Variants in COX15 observed in about 807,000 individuals in gnomAD.
The protein encoded by COX15 is heme A synthase COX15.
COX15 carries 51 observed loss-of-function variants against 51.9 expected under a neutral mutation model. The ratio of observed to expected loss-of-function variants is 0.98; its 90% CI spans 0.78 to 1.24. The LOEUF is 1.24. COX15 is among the 50% of genes most tolerant of loss of function. The probability of loss-of-function intolerance (pLI) is 0.00; values close to 1 mark genes in which losing one functional copy is unlikely to be tolerated. For synonymous variants in COX15, 188 were observed against 190.5 expected, an observed-to-expected ratio of 0.99 and a Z score of 0.11; for missense variants, 420 against 501.1, an observed-to-expected ratio of 0.84 and a Z score of 1.55.
rs75444197 is a variant in COX15, at chr10:99,729,918, C to T, written c.91-184G>A. 7.2e-5 allele frequency among the ~76,000 whole-genome samples: 11 copies of T among 152,338 alleles called. No homozygotes were observed. In the East Asian group the frequency reaches 2.1e-3, roughly 29 times the overall value. On this transcript the variant is annotated intron_variant, in intron 1 of 8. Coordinates refer to ENST00000016171, the MANE Select transcript of COX15 (RefSeq NM_078470.6). Reference sequence around the variant, plus strand: ...CTGGTTTTCCAATTGGTTTTCAAATCTAGCCTCACTCAAACCTATCCCCAA... The same window carrying T: ...CTGGTTTTCCAATTGGTTTTCAAATTTAGCCTCACTCAAACCTATCCCCAA...
In COX15 at chr10:99,727,004, T is replaced by G; in HGVS notation, c.546A>C (p.Gly182=). The G allele has an allele frequency of 6.2e-7, 1 of 1,613,862 alleles. No homozygotes were observed. The highest frequency in any genetic ancestry group is 1.1e-5 in the South Asian group (1 of 91,070). ...RKGWLSRGMK[G]RVLALCGLVC... ...CGAGGCCACAGAGGGCAAGAACACG[T>G]CCTTTCATGCCACGGCTGAGCCAGC... is the stretch of plus-strand genomic sequence containing the variant. Residue 182 remains glycine (G), a synonymous_variant, in exon 4 of 9, where the codon GGA becomes GGC. Transcript: ENST00000016171.
At chr10:99,696,012 C>T in the COX15 span, 1 of 1,614,156 alleles carries the variant, frequency 6.2e-7, no homozygotes, top group African/African-American at 1.3e-5. Flanking sequence ...ATGTGCAACA[C>T]ACTGAACACG....
Position 99,712,604 on chromosome 10 carries a change from C to G in COX15, c.*1983G>C, listed in dbSNP as rs1263303382. 10 of 984,066 alleles carry G rather than the reference C, an allele frequency of 1.0e-5. No homozygotes were observed. In the Admixed American group the frequency reaches 6.2e-4, roughly 61 times the overall value. The allele number at this position is 984,066 out of a possible 1,614,324, so 61.0% of individuals were successfully genotyped here. On this transcript the variant is annotated 3_prime_UTR_variant, in exon 9 of 9. Transcript: ENST00000016171. ...CTAGGTATATCCAAGGAAAAATAAA[C>G]TTAAGATAAGCTTATTTTCCTTATT... is the stretch of plus-strand genomic sequence containing the variant.
chr10:99,716,407 G>T lies in COX15; in HGVS notation c.1042C>A (p.Pro348Thr). 1 of 1,613,986 alleles carries T rather than the reference G, an allele frequency of 6.2e-7. No individual in the cohort carries two copies. The highest frequency in any genetic ancestry group is 8.5e-7 in the Non-Finnish European group (1 of 1,179,974). Reference sequence around the variant, plus strand: ...GCCATCTTGGTCCTTCTAGGAAGGGGAATTCTCCGAGAGAGGAAGTAGAGC... The same window carrying T: ...GCCATCTTGGTCCTTCTAGGAAGGGTAATTCTCCGAGAGAGGAAGTAGAGC... ...TVLYFLSRRI[P>T]LPRRTKMAAV... Residue 348 changes from proline (P) to threonine (T), a missense_variant, in exon 8 of 9, where the codon CCC (proline) becomes ACC (threonine). By Grantham distance (38) the Pro-to-Thr change is conservative (BLOSUM62 -1). Transcript: ENST00000016171.
rs2036449682 is a variant in COX15, at chr10:99,713,146, C to G, written c.*1441G>C. 9.9e-6 allele frequency: 13 copies of G among 1,317,702 alleles called. No individual in the cohort carries two copies. Among genetic ancestry groups the G allele is most frequent in the Non-Finnish European group, 1.3e-5 (13 of 1,028,286 alleles). 81.6% of individuals were successfully genotyped at this position (1,317,702 alleles called of 1,614,324 possible). A position where few individuals can be genotyped will look rare whatever the true frequency, so the allele number is the denominator to read the frequency against. On this transcript the variant is annotated 3_prime_UTR_variant, in exon 9 of 9. Coordinates refer to ENST00000016171, the MANE Select transcript of COX15 (RefSeq NM_078470.6). ...ACTTCTACTGATAAAACCTGAAGTA[C>G]CACTAATTTTTCTGTTATCATATAA...
chr10:99,726,887 CAAAAA>C (rs5787356), intron 4 of COX15, 76 bp downstream of exon 4: 105 of 934,786 alleles, frequency 1.1e-4, no homozygotes, highest in Non-Finnish European at 1.4e-4. Context: ...GACTCCGTCT[CAAAAA>C]AAAAAAAAAA....
intron 2 of COX15, among the ~76,000 whole-genome samples, chr10:99,729,003 A>T (rs1274405938): frequency 3.9e-5 from 6 of 152,230 alleles, no homozygotes; most frequent in Non-Finnish European, 2.9e-5. Context: ...ATACATAAAC[A>T]ATGCACAGGT....
At chr10:99,715,160 CAG>C (rs893162356) in intron 8 of COX15, among the ~76,000 whole-genome samples, 7 of 152,040 alleles carry the variant, frequency 4.6e-5, no homozygotes, top group African/African-American at 1.2e-4. Flanking sequence ...TGTTTTGAGA[CAG>C]AGTTTCACTC....
rs755157008 is a variant in COX15 at position 99,727,147 on chromosome 10, G to A, written c.403C>T (p.His135Tyr). 2 of 1,614,168 alleles carry A rather than the reference G, an allele frequency of 1.2e-6. No individual in the cohort carries two copies. Among genetic ancestry groups the A allele is most frequent in the South Asian group, 2.2e-5 (2 of 91,084 alleles). ...QQFPEFKILN[H>Y]DMTLTEFKFI... ...TTGAATTCTGTCAGTGTCATATCAT[G>A]ATTCAAGCTGGGTGAAATGGAAAGT... is the stretch of plus-strand genomic sequence containing the variant. The change falls in exon 4 of 9, where the codon CAT (histidine) becomes TAT (tyrosine). Residue 135 changes from histidine to tyrosine, a missense_variant. Transcript: ENST00000016171.
the COX15 span, chr10:99,702,595 C>G: frequency 1.9e-6 from 3 of 1,613,582 alleles, no homozygotes; most frequent in African/African-American, 4.0e-5. Context: ...AACCTGCGGA[C>G]AGCCCAGCTG....
chr10:99,722,149 A>C (rs1487412897), intron 5 of COX15, among the ~76,000 whole-genome samples: 1 of 152,172 alleles, frequency 6.6e-6, no homozygotes, highest in Admixed American at 6.5e-5. Flanking sequence ...TACAGGTGTG[A>C]GCCACCGTGC....
chr10:99,714,115 CT>C lies in COX15; in HGVS notation c.*471del, dbSNP rs765618742. On this transcript the variant is annotated 3_prime_UTR_variant, in exon 9 of 9. Transcript: ENST00000016171. ...AAATCAGGATATTAGAAGACATTAG[CT>C]TTTTTTTTTTTGCTGAAGACCAGCT... 48,845 of 530,936 alleles carry C rather than the reference CT, an allele frequency of 0.092. No individual in the cohort carries two copies. Among genetic ancestry groups the C allele is most frequent in the Non-Finnish European group, 0.11 (43,166 of 410,978 alleles). 32.9% of individuals were successfully genotyped at this position (530,936 alleles called of 1,614,324 possible). A position where few individuals can be genotyped will look rare whatever the true frequency, so the allele number is the denominator to read the frequency against.
chr10:99,702,819 C>CT, the COX15 span: 4 of 662,174 alleles, frequency 6.0e-6, no homozygotes, highest in Non-Finnish European at 9.2e-6. Flanking sequence ...AAACAAACTC[C>CT]TTTACTTCCA....
chr10:99,695,867 A>C, the COX15 span: 7 of 1,256,488 alleles, frequency 5.6e-6, no homozygotes, highest in African/African-American at 1.1e-4. Context: ...GTAGTCATAG[A>C]AATGAAGCCT....
At position 99,727,504 on chromosome 10, in the gene COX15, G is replaced by C. The variant is rs779569325; in HGVS notation, c.332C>G (p.Pro111Arg). 13 of 1,613,796 alleles carry C rather than the reference G, an allele frequency of 8.1e-6. No homozygotes were observed. In the Admixed American group the frequency reaches 1.8e-4, roughly 23 times the overall value. The change falls in exon 3 of 9, where the codon CCT becomes CGT. Residue 111 changes from proline (P) to arginine (R), a missense_variant. Transcript: ENST00000016171. The stretch of plus-strand genomic sequence containing the variant: ...TGCTTCCCATTCCTCTTGGCTTGTA[G>C]GTGGCTTCATCTCCTTTATTAAATG... ...DWHLIKEMKP[P>R]TSQEEWEAEF... is the part of the protein sequence containing the mutation.
chr10:99,696,638 C>T, the COX15 span, among the ~76,000 whole-genome samples: 5 of 152,160 alleles, frequency 3.3e-5, no homozygotes, highest in Non-Finnish European at 5.9e-5. Context: ...TTGGACAGAT[C>T]ACAGATTCTT....
At chr10:99,729,375 G>A (rs1425425722) in intron 2 of COX15, among the ~76,000 whole-genome samples, 178 bp downstream of exon 2, 2 of 150,406 alleles carry the variant, frequency 1.3e-5, no homozygotes, top group Non-Finnish European at 2.9e-5. Context: ...CAGGAGAATC[G>A]CTTGAACTCA....
Position 99,711,415 on chromosome 10 carries a change from C to T in COX15, c.*3172G>A. On this transcript the variant is annotated 3_prime_UTR_variant, in exon 9 of 9. Transcript: ENST00000016171. ...TGCCTCAGGAACTACAGTTCCCTTTCTTTGAAGGATTCTATCCAGAAGAGA... is the reference window on the plus strand; with the variant it reads ...TGCCTCAGGAACTACAGTTCCCTTTTTTTGAAGGATTCTATCCAGAAGAGA... 1.0e-6 allele frequency: 1 copy of T among 985,418 alleles called. No homozygotes were observed. The highest frequency in any genetic ancestry group is 1.2e-6 in the Non-Finnish European group (1 of 829,924). The allele number at this position is 985,418 out of a possible 1,614,324, so 61.0% of individuals were successfully genotyped here. A position where few individuals can be genotyped will look rare whatever the true frequency, so the allele number is the denominator to read the frequency against.
At chr10:99,699,846 G>A in the COX15 span, among the ~76,000 whole-genome samples, 10 of 152,180 alleles carry the variant, frequency 6.6e-5, no homozygotes, top group Non-Finnish European at 1.0e-4. Flanking sequence ...GATTACAGGC[G>A]TGAGTCACCG....
Sources: allele counts gnomAD v4.1 joint callset (sites outside exome capture counted in the v4.1 genomes callset), GRCh38; gene constraint gnomAD v4.1.1; transcripts MANE v1.5; gene names NCBI Gene and HGNC (gene_info 2026-07-23, HGNC 2026-07-21).